ANKLE1: variants seen among roughly 807,000 people sequenced by gnomAD.
ANKLE1 encodes the protein structure-specific endonuclease ANKLE1.
A neutral mutation model predicts 56.2 loss-of-function variants in ANKLE1; 59 were observed. The ratio of observed to expected loss-of-function variants is 1.05; its 90% CI spans 0.85 to 1.30. The LOEUF (loss-of-function observed/expected upper bound fraction) is 1.30. ANKLE1 is among the 50% of genes most tolerant of loss of function. The probability of loss-of-function intolerance (pLI) is 0.00; values close to 1 mark genes in which losing one functional copy is unlikely to be tolerated. For missense variants in ANKLE1, 771 were observed against 816.1 expected (o/e 0.94, Z 0.67); for synonymous variants, 341 against 352.9 (o/e 0.97, Z 0.38).
rs781195162 is a variant in ANKLE1, at chr19:17,283,670, A to G, written c.906A>G (p.Pro302=). 1.9e-6 allele frequency: 3 copies of G among 1,613,482 alleles called. No individual in the cohort carries two copies. The highest frequency in any genetic ancestry group is 1.6e-4 in the Middle Eastern group (1 of 6,062). Residue 302 remains proline, a synonymous_variant, in exon 5 of 9, where the codon CCA becomes CCG. Coordinates refer to ENST00000404085, the MANE Select transcript of ANKLE1 (RefSeq NM_152363.6). ...CCATGCCTCTCCTGGACAGGAGTCC[A>G]GCTCATAGCCCCCCACGGACACCAA... is the stretch of plus-strand genomic sequence containing the variant. ...PSSMPLLDRS[P]AHSPPRTPTP...
chr19:17,285,411 G>A lies in ANKLE1; in HGVS notation c.1377-20G>A. ...CCACTGTATCCACTTTTCCCTGTCTGAGCTATCCCCTTCATCCAGGGAGAC... is the reference window on the plus strand; with the variant it reads ...CCACTGTATCCACTTTTCCCTGTCTAAGCTATCCCCTTCATCCAGGGAGAC... On this transcript the variant is annotated intron_variant, in intron 6 of 8. Transcript: ENST00000404085. 6.2e-7 allele frequency: 1 copy of A among 1,613,022 alleles called. No individual in the cohort carries two copies. The highest frequency in any genetic ancestry group is 8.5e-7 in the Non-Finnish European group (1 of 1,179,866).
Position 17,282,060 on chromosome 19 carries a change from A to C in ANKLE1, c.66A>C (p.Ala22=). Residue 22 remains alanine, a synonymous_variant, in exon 2 of 9, where the codon GCA becomes GCC. Coordinates refer to ENST00000404085, the MANE Select transcript of ANKLE1 (RefSeq NM_152363.6). The part of the protein sequence containing the change: ...RDALREEEPW[A]VEELLRCGAD... ...ACTCTGACCGCGGTGTTTGCAGGGC[A>C]GTAGAGGAGCTGCTGCGCTGCGGCG... is the stretch of plus-strand genomic sequence containing the variant. 1 of 1,538,950 alleles carries C rather than the reference A, an allele frequency of 6.5e-7. No homozygotes were observed. Among genetic ancestry groups the C allele is most frequent in the Non-Finnish European group, 8.7e-7 (1 of 1,146,624 alleles).
At position 17,286,920 on chromosome 19, in the gene ANKLE1, C is replaced by A; in HGVS notation, c.*368C>A. The A allele has an allele frequency of 1.7e-6, 1 of 600,760 alleles. No homozygotes were observed. The highest frequency in any genetic ancestry group is 4.3e-5 in the South Asian group (1 of 23,130). 37.2% of individuals were successfully genotyped at this position (600,760 alleles called of 1,614,324 possible). A position where few individuals can be genotyped will look rare whatever the true frequency, so the allele number is the denominator to read the frequency against. ...GGAATAGGAGCTGGGTAAAATGAGGCTGAAACCTACTGGGCTGCATTCCCA... is the reference window on the plus strand; with the variant it reads ...GGAATAGGAGCTGGGTAAAATGAGGATGAAACCTACTGGGCTGCATTCCCA... On this transcript the variant is annotated 3_prime_UTR_variant, in exon 9 of 9. Transcript: ENST00000404085.
chr19:17,283,140 C>G, intron 4 of ANKLE1, 85 bp from the exon 5 acceptor site: 1 of 1,551,556 alleles, frequency 6.4e-7, no homozygotes, highest in African/African-American at 1.4e-5. Context: ...CTCAGACACT[C>G]TGATCTCCTT....
At position 17,283,582 on chromosome 19, in the gene ANKLE1, C is replaced by T; in HGVS notation, c.818C>T (p.Ala273Val). 6.2e-7 allele frequency: 1 copy of T among 1,612,240 alleles called. No homozygotes were observed. ...CAGGGCACGGAGGCAGAACTGAATG[C>T]CCGTCTGCAGGCCCTGACTCTGACC... ...RSQGTEAELNARLQALTLTPP... is the reference protein window; with the variant it reads ...RSQGTEAELNVRLQALTLTPP... The change falls in exon 5 of 9, where the codon GCC becomes GTC. Residue 273 changes from alanine (A) to valine (V), a missense_variant. Physicochemically the swap from Ala to Val is moderately conservative, Grantham distance 64 (BLOSUM62 0). Coordinates refer to ENST00000404085, the MANE Select transcript of ANKLE1 (RefSeq NM_152363.6).
Position 17,286,886 on chromosome 19 carries a change from A to ACTC in ANKLE1, c.*336_*338dup. ...TGTAAGAGGCGTTTGAACCTGGGCA[A>ACTC]CTCCACCTGGAATAGGAGCTGGGTA... On this transcript the variant is annotated 3_prime_UTR_variant, in exon 9 of 9. Transcript: ENST00000404085. 9.9e-7 allele frequency: 1 copy of ACTC among 1,005,914 alleles called. No individual in the cohort carries two copies. Among genetic ancestry groups the ACTC allele is most frequent in the Non-Finnish European group, 1.2e-6 (1 of 808,152 alleles). The allele number at this position is 1,005,914 out of a possible 1,614,324, so 62.3% of individuals were successfully genotyped here. A position where few individuals can be genotyped will look rare whatever the true frequency, so the allele number is the denominator to read the frequency against.
At chr19:17,282,426 C>A in intron 2 of ANKLE1, 3 of 849,660 alleles carry the variant, frequency 3.5e-6, no homozygotes, top group South Asian at 1.7e-5. Context: ...GCGCTAGGAC[C>A]AAAGTGGGGA....
chr19:17,287,251 C>G lies in ANKLE1; in HGVS notation c.*699C>G, dbSNP rs1026077890. The G allele has an allele frequency of 6.6e-6, 1 of 152,088 alleles. No individual in the cohort carries two copies. Among genetic ancestry groups the G allele is most frequent in the Non-Finnish European group, 1.5e-5 (1 of 68,030 alleles). The allele number at this position is 152,088 out of a possible 1,614,324, so 9.4% of individuals were successfully genotyped here. On this transcript the variant is annotated 3_prime_UTR_variant, in exon 9 of 9. Coordinates refer to ENST00000404085, the MANE Select transcript of ANKLE1 (RefSeq NM_152363.6). ...TTCAAGACCAGCGTGGCCAACGTGG[C>G]GAAACCCTATCTCTACTAAAAATAC...
chr19:17,282,326 A>G, intron 2 of ANKLE1, 117 bp downstream of exon 2: 2 of 1,359,376 alleles, frequency 1.5e-6, no homozygotes, highest in Admixed American at 5.7e-5. Context: ...GGTTTAGGGG[A>G]TCTTGGGGAG....
At position 17,281,929 on chromosome 19, in the gene ANKLE1, G is replaced by T. The variant is rs746772008; in HGVS notation, c.9G>T (p.Ser3=). The T allele has an allele frequency of 4.9e-5, 75 of 1,534,664 alleles. No individual in the cohort carries two copies. Among genetic ancestry groups the T allele is most frequent in the South Asian group, 1.2e-5 (1 of 83,948 alleles). The part of the protein sequence containing the change: MC[S]EARLARRLRD... The stretch of plus-strand genomic sequence containing the variant: ...TCGGACCCAGCCAGGGCATGTGCTC[G>T]GAGGCCCGCCTGGCTCGCAGGTTGC... The change falls in exon 1 of 9, where the codon TCG becomes TCT. Residue 3 remains serine, a synonymous_variant. Coordinates refer to ENST00000404085, the MANE Select transcript of ANKLE1 (RefSeq NM_152363.6).
At chr19:17,285,177 T>C (rs1454637548) in intron 6 of ANKLE1, among the ~76,000 whole-genome samples, 1 of 151,940 alleles carries the variant, frequency 6.6e-6, no homozygotes, top group African/African-American at 2.4e-5. Flanking sequence ...GAGAATCACT[T>C]GAACCCAGGA....
chr19:17,284,048 A>G, intron 5 of ANKLE1, 41 bp from the exon 6 acceptor site: 1 of 1,606,826 alleles, frequency 6.2e-7, no homozygotes, highest in Non-Finnish European at 8.5e-7. Context: ...TTTCCTCCCC[A>G]TCTCAGAATC....
In ANKLE1 at chr19:17,286,503, C is replaced by A. The variant is rs1286293955; in HGVS notation, c.1799C>A (p.Ala600Asp). 6.2e-7 allele frequency: 1 copy of A among 1,612,190 alleles called. No homozygotes were observed. Among genetic ancestry groups the A allele is most frequent in the South Asian group, 1.1e-5 (1 of 90,912 alleles). ...LLHRALLVFL[A>D]EGERQLHPQD... ...CACCGTGCCCTCCTTGTCTTCCTGGCTGAAGGCGAGCGACAGCTTCATCCC... is the reference window on the plus strand; with the variant it reads ...CACCGTGCCCTCCTTGTCTTCCTGGATGAAGGCGAGCGACAGCTTCATCCC... Residue 600 changes from alanine (A) to aspartate (D), a missense_variant, in exon 9 of 9, where the codon GCT becomes GAT. Transcript: ENST00000404085.
Position 17,283,808 on chromosome 19 carries a change from A to G in ANKLE1, c.1044A>G (p.Glu348=). 1 of 1,613,286 alleles carries G rather than the reference A, an allele frequency of 6.2e-7. No homozygotes were observed. ...EDEASSTGGR[E]PVGPCRHLPV... ...AGGCAAGCTCTACAGGTGGCAGGGA[A>G]CCTGTCGGCCCTTGCCGGCACCTGC... is the stretch of plus-strand genomic sequence containing the variant. The change falls in exon 5 of 9, where the codon GAA becomes GAG. Residue 348 remains glutamate, a synonymous_variant. Transcript: ENST00000404085.
rs766522409 is a variant in ANKLE1 at position 17,283,520 on chromosome 19, G to C, written c.756G>C (p.Leu252=). ...TGCCACCGACCAGGCAGGGACTTCT[G>C]CATGTTGTCCATGCCAACCAGAGGG... ...GSLPPTRQGL[L]HVVHANQRVP... Residue 252 remains leucine, a synonymous_variant, in exon 5 of 9, where the codon CTG becomes CTC. Transcript: ENST00000404085. The C allele has an allele frequency of 3.7e-6, 6 of 1,612,930 alleles. No homozygotes were observed. The Admixed American group carries it at 5.0e-5, about 13-fold the overall frequency.
At chr19:17,285,641 G>A in intron 7 of ANKLE1, 40 bp from the exon 8 acceptor site, 2 of 1,613,924 alleles carry the variant, frequency 1.2e-6, no homozygotes, top group Non-Finnish European at 1.7e-6. Flanking sequence ...CCATGGGCAG[G>A]GGAGGGTATT....
Position 17,286,650 on chromosome 19 carries a change from G to A in ANKLE1, c.*98G>A. On this transcript the variant is annotated 3_prime_UTR_variant, in exon 9 of 9. Transcript: ENST00000404085. ...CCCCATCTCTGGTTTCAGAAGGGGT[G>A]TGTGTGTGTGTGTGTGTGTGTGTGT... 1.9e-6 allele frequency: 1 copy of A among 513,794 alleles called. No individual in the cohort carries two copies. The highest frequency in any genetic ancestry group is 2.9e-6 in the Non-Finnish European group (1 of 349,400). The allele number at this position is 513,794 out of a possible 1,614,324, so 31.8% of individuals were successfully genotyped here.
At position 17,286,811 on chromosome 19, in the gene ANKLE1, A is replaced by G; in HGVS notation, c.*259A>G. On this transcript the variant is annotated 3_prime_UTR_variant, in exon 9 of 9. Coordinates refer to ENST00000404085, the MANE Select transcript of ANKLE1 (RefSeq NM_152363.6). Reference sequence around the variant, plus strand: ...TAAGTAGTGAGCTCCCCATCGTGGGAGGAGGACAAGAAGGGAAGCAGAAGG... The same window carrying G: ...TAAGTAGTGAGCTCCCCATCGTGGGGGGAGGACAAGAAGGGAAGCAGAAGG... The G allele has an allele frequency of 7.5e-7, 1 of 1,328,902 alleles. No homozygotes were observed. The highest frequency in any genetic ancestry group is 1.7e-5 in the South Asian group (1 of 57,924). 82.3% of individuals were successfully genotyped at this position (1,328,902 alleles called of 1,614,324 possible).
intron 2 of ANKLE1, 59 bp from the exon 3 acceptor site, chr19:17,282,597 A>G (rs1237613097): frequency 2.7e-6 from 4 of 1,466,396 alleles, no homozygotes; most frequent in South Asian, 1.2e-5. Context: ...CAGAGCGGAG[A>G]TCGGGGTTCC....
Sources: gnomAD v4.1 joint callset for allele counts (sites outside exome capture counted in the v4.1 genomes callset) on GRCh38, gnomAD v4.1.1 for gene constraint, MANE v1.5 for transcripts, NCBI Gene and HGNC (gene_info 2026-07-23, HGNC 2026-07-21) for gene names.